The following METTL21C variants were observed in gnomAD, a reference collection of about 807,000 sequenced individuals.
METTL21C encodes the protein methyltransferase 21C, AARS1 lysine.
METTL21C carries 21 observed loss-of-function variants against 25.9 expected under a neutral mutation model. That is an observed-to-expected ratio of 0.81 (90% CI 0.58 to 1.17). METTL21C has a LOEUF of 1.17. METTL21C is among the 50% of genes most tolerant of loss of function. METTL21C has a pLI of 0.00. For missense variants in METTL21C, 312 were observed against 315.1 expected (o/e 0.99, Z 0.07); for synonymous variants, 125 against 124.7 (o/e 1.00, Z -0.01).
rs773396471 is a variant in METTL21C, at chr13:102,691,735, G to A, written c.131-771C>T. ...TCCTTCAATCTTTCCTACAATTGCT[G>A]TTCAAAAGGTAGAGGCCCAGCCAGC... On this transcript the variant is annotated intron_variant, in intron 1 of 3. Coordinates refer to ENST00000267273, the MANE Select transcript of METTL21C (RefSeq NM_001010977.3). 2.2e-4 allele frequency among the ~76,000 whole-genome samples: 33 copies of A among 152,338 alleles called. 1 individual carries two copies. The highest frequency in any genetic ancestry group is 3.4e-3 in the Middle Eastern group (1 of 294).
intron 3 of METTL21C, 91 bp from the exon 4 acceptor site, chr13:102,686,516 C>A: frequency 7.0e-7 from 1 of 1,438,472 alleles, no homozygotes; most frequent in Non-Finnish European, 9.3e-7. Context: ...AACTGGATTC[C>A]TTAGCCTTGG....
chr13:102,688,551 T>A (rs921637719), intron 2 of METTL21C, among the ~76,000 whole-genome samples: 4 of 152,108 alleles, frequency 2.6e-5, no homozygotes, highest in Admixed American at 1.3e-4. Flanking sequence ...AATAGCAACA[T>A]GGTGTGACAT....
chr13:102,686,705 G>A (rs929348981), intron 3 of METTL21C, among the ~76,000 whole-genome samples: 4 of 152,196 alleles, frequency 2.6e-5, no homozygotes, highest in African/African-American at 9.7e-5. Flanking sequence ...TCAGAGTCAT[G>A]CCTCTGGACT....
chr13:102,689,933 T>C (rs1885782898), intron 2 of METTL21C, among the ~76,000 whole-genome samples: 2 of 152,196 alleles, frequency 1.3e-5, no homozygotes, highest in Non-Finnish European at 1.5e-5. Flanking sequence ...GTTTTAAATA[T>C]GGAAATGAAG....
the METTL21C span, among the ~76,000 whole-genome samples, chr13:102,702,425 G>T: frequency 1.3e-5 from 2 of 152,000 alleles, no homozygotes; most frequent in Non-Finnish European, 2.9e-5. Context: ...TAAAAGCAAG[G>T]AAATGAAATA....
At chr13:102,691,397 T>C (rs12429467) in intron 1 of METTL21C, among the ~76,000 whole-genome samples, 13,395 of 151,982 alleles carry the variant, frequency 0.088, 802 homozygotes, top group East Asian at 0.23. Context: ...TTGCCCAGGC[T>C]AGAGTGCAGT....
rs111474584 is a variant in METTL21C at position 102,694,873 on chromosome 13, T to TTCTCTC, written c.-381_-376dup. On this transcript the variant is annotated 5_prime_UTR_variant, in exon 1 of 4. Transcript: ENST00000267273. ...ATTACTTTGCTAGAATTCTCTCTCT[T>TTCTCTC]TCTCTCTCTCTCTCTCTCTCTCTCT... 0.052 allele frequency among the ~76,000 whole-genome samples: 6,611 copies of TTCTCTC among 127,798 alleles called. 181 individuals carry two copies. The highest frequency in any genetic ancestry group is 0.09 in the African/African-American group (3,012 of 33,526). 83.8% of individuals were successfully genotyped at this position (127,798 alleles called of 152,430 possible).
intron 2 of METTL21C, among the ~76,000 whole-genome samples, chr13:102,688,758 T>C (rs1415499136): frequency 1.3e-5 from 2 of 152,226 alleles, no homozygotes. Flanking sequence ...TGGAGATGGC[T>C]GCAGGGGTCC....
chr13:102,698,525 A>T (rs544263044), upstream of METTL21C, among the ~76,000 whole-genome samples: 7 of 152,284 alleles, frequency 4.6e-5, no homozygotes, highest in East Asian at 1.4e-3. Flanking sequence ...CACGTCCTAC[A>T]TGCCACTAAA....
At chr13:102,695,296 G>A (rs1182728827), upstream of METTL21C, among the ~76,000 whole-genome samples, 1 of 152,152 alleles carries the variant, frequency 6.6e-6, no homozygotes, top group African/African-American at 2.4e-5. Flanking sequence ...GTTGAATCTG[G>A]GGGATTTAGA....
intron 1 of METTL21C, among the ~76,000 whole-genome samples, chr13:102,692,924 G>A (rs1455255497): frequency 6.6e-6 from 1 of 152,194 alleles, no homozygotes; most frequent in African/African-American, 2.4e-5. Flanking sequence ...CCAACACAGG[G>A]CTGAGAGGCT....
chr13:102,686,450 C>T (rs769268726), intron 3 of METTL21C, 25 bp from the exon 4 acceptor site: 1 of 1,585,774 alleles, frequency 6.3e-7, no homozygotes, highest in Non-Finnish European at 8.6e-7. Context: ...AAACAATGAC[C>T]TGGAAACATC....
chr13:102,686,100 G>A lies in METTL21C; in HGVS notation c.726C>T (p.Asp242=). ...CTGGATATTCAGCCAACAGTGTTGT[G>A]TCAAAAACTTGCTTGAATTTATCTA... ...EFLDKFKQVF[D]TTLLAEYPES... Residue 242 remains aspartate, a synonymous_variant, in exon 4 of 4, where the codon GAC becomes GAT. Coordinates refer to ENST00000267273, the MANE Select transcript of METTL21C (RefSeq NM_001010977.3). 1.9e-6 allele frequency: 3 copies of A among 1,613,680 alleles called. 1 individual carries two copies. The South Asian group carries it at 3.3e-5, about 18-fold the overall frequency.
In METTL21C at chr13:102,685,835, T is replaced by C; in HGVS notation, c.*196A>G. The C allele has an allele frequency of 1.9e-6, 1 of 529,684 alleles. No individual in the cohort carries two copies. The highest frequency in any genetic ancestry group is 3.2e-6 in the Non-Finnish European group (1 of 314,746). 32.8% of individuals were successfully genotyped at this position (529,684 alleles called of 1,614,324 possible). ...ATGTTTTTATGTTGTTCTTTTTAGA[T>C]ATTTAGATTAACCAGATAATCTTAA... On this transcript the variant is annotated 3_prime_UTR_variant, in exon 4 of 4. Coordinates refer to ENST00000267273, the MANE Select transcript of METTL21C (RefSeq NM_001010977.3).
upstream of METTL21C, among the ~76,000 whole-genome samples, chr13:102,697,204 C>T (rs1885961036): frequency 2.0e-5 from 3 of 152,116 alleles, no homozygotes; most frequent in South Asian, 4.1e-4. Context: ...CATGTGCTGT[C>T]ACTCGCCTCT....
chr13:102,697,656 G>C (rs540611236), upstream of METTL21C, among the ~76,000 whole-genome samples: 1 of 152,272 alleles, frequency 6.6e-6, no homozygotes, highest in Admixed American at 6.5e-5. Context: ...GACCAACCCT[G>C]AGCTGCATCT....
At position 102,685,853 on chromosome 13, in the gene METTL21C, A is replaced by G. The variant is rs905240279; in HGVS notation, c.*178T>C. 48 of 569,148 alleles carry G rather than the reference A, an allele frequency of 8.4e-5. No individual in the cohort carries two copies. The highest frequency in any genetic ancestry group is 7.3e-5 in the South Asian group (2 of 27,424). The allele number at this position is 569,148 out of a possible 1,614,324, so 35.3% of individuals were successfully genotyped here. On this transcript the variant is annotated 3_prime_UTR_variant, in exon 4 of 4. Coordinates refer to ENST00000267273, the MANE Select transcript of METTL21C (RefSeq NM_001010977.3). ...TTTTAGATATTTAGATTAACCAGATAATCTTAAATTATCTTAGAAATTAGA... is the reference window on the plus strand; with the variant it reads ...TTTTAGATATTTAGATTAACCAGATGATCTTAAATTATCTTAGAAATTAGA...
intron 2 of METTL21C, 23 bp from the exon 3 acceptor site, chr13:102,687,080 C>G: frequency 1.3e-6 from 2 of 1,577,920 alleles, no homozygotes. Flanking sequence ...TATAACTTTT[C>G]ATGTGGGCAT....
At chr13:102,691,250 C>T (rs1014963780) in intron 1 of METTL21C, among the ~76,000 whole-genome samples, 1 of 151,440 alleles carries the variant, frequency 6.6e-6, no homozygotes, top group African/African-American at 2.4e-5. Context: ...GATCGGTCCC[C>T]ACCCTAAATT....
Sources: allele counts gnomAD v4.1 joint callset (sites outside exome capture counted in the v4.1 genomes callset), GRCh38; gene constraint gnomAD v4.1.1; transcripts MANE v1.5; gene names NCBI Gene and HGNC (gene_info 2026-07-23, HGNC 2026-07-21).